Variants in HTR3D observed in about 807,000 individuals in gnomAD.
The protein encoded by HTR3D is 5-hydroxytryptamine (serotonin) receptor 3 family member D.
In HTR3D, 47 loss-of-function variants were observed where a neutral mutation model predicts 45.8. The observed-to-expected ratio is 1.03, with a 90% CI of 0.81 to 1.31. The LOEUF (loss-of-function observed/expected upper bound fraction) is 1.31, where lower values mean the gene tolerates loss of function less well. Ranked by LOEUF, HTR3D falls within the 50% of genes most tolerant of loss-of-function variation. The pLI is 0.00. For synonymous variants in HTR3D, 203 were observed against 199.8 expected (o/e 1.02, Z -0.13); for missense variants, 448 against 506.9 (o/e 0.88, Z 1.12).
chr3:184,039,066 G>A lies in HTR3D; in HGVS notation c.*91G>A, dbSNP rs879538875. On this transcript the variant is annotated 3_prime_UTR_variant, in exon 8 of 8. Transcript: ENST00000428798. ...GGCTCTCAGTCAGCCTTGTGGCCCT[G>A]TCAACCGCCTCATTTTTAACCCAGT... 4.3e-5 allele frequency: 57 copies of A among 1,327,330 alleles called. No individual in the cohort carries two copies. Among genetic ancestry groups the A allele is most frequent in the Non-Finnish European group, 6.1e-5 (57 of 936,188 alleles). The allele number at this position is 1,327,330 out of a possible 1,614,324, so 82.2% of individuals were successfully genotyped here.
chr3:184,038,525 C>T lies in HTR3D; in HGVS notation c.886C>T (p.His296Tyr), dbSNP rs757822014. Residue 296 changes from histidine (H) to tyrosine (Y), a missense_variant, in exon 7 of 8, where the codon CAC becomes TAC. His to Tyr is a moderately conservative substitution (Grantham distance 83). Coordinates refer to ENST00000428798, the MANE Select transcript of HTR3D (RefSeq NM_001145143.1). This position sits in a 1 kb window ranked among gnomAD's most constrained non-coding sequence, Gnocchi z 4.5. The part of the protein sequence containing the change: ...TQPLPLPRWL[H>Y]SLLLHCTGQG... ...GCCCCTACCTCTGCCTCGGTGGCTC[C>T]ACTCCCTGCTGCTGCACTGCACCGG... The T allele has an allele frequency of 4.3e-6, 7 of 1,613,856 alleles. No individual in the cohort carries two copies. The highest frequency in any genetic ancestry group is 4.0e-5 in the African/African-American group (3 of 74,916).
At position 184,036,544 on chromosome 3, in the gene HTR3D, A is replaced by T; in HGVS notation, c.367A>T (p.Thr123Ser). 1 of 1,614,186 alleles carries T rather than the reference A, an allele frequency of 6.2e-7. No homozygotes were observed. Among genetic ancestry groups the T allele is most frequent in the Non-Finnish European group, 8.5e-7 (1 of 1,180,022 alleles). The change falls in exon 4 of 8, where the codon ACC (threonine) becomes TCC (serine). Residue 123 changes from threonine (T) to serine (S), a missense_variant and splice_region_variant. By Grantham distance (58) the Thr-to-Ser change is moderately conservative (BLOSUM62 1). Transcript: ENST00000428798. ...SPSALSPTQV[T>S]RAWRRMSRSF... ...TTCAGCCCTTTCACCTACACAGGTA[A>T]GTGGGGCTCACTAAAGTAGACTGTT... is the stretch of plus-strand genomic sequence containing the variant.
At chr3:184,033,461 C>G (rs1413419286) in intron 1 of HTR3D, among the ~76,000 whole-genome samples, 1 of 151,860 alleles carries the variant, frequency 6.6e-6, no homozygotes, top group East Asian at 1.9e-4. Context: ...CAACCCAATT[C>G]AAAAATGGGC....
intron 1 of HTR3D, chr3:184,033,118 GA>G (rs1722795467): frequency 1.4e-5 from 16 of 1,150,058 alleles, no homozygotes; most frequent in Non-Finnish European, 1.9e-5. Context: ...CCTCTGACTG[GA>G]TTTTTTTTTT....
chr3:184,032,037 C>G (rs533683834), intron 1 of HTR3D, among the ~76,000 whole-genome samples: 86 of 146,786 alleles, frequency 5.9e-4, no homozygotes, highest in African/African-American at 2.1e-3. Flanking sequence ...CTCTGTTACC[C>G]AGGCTAGAGT....
intron 1 of HTR3D, among the ~76,000 whole-genome samples, chr3:184,034,540 G>A (rs890740643): frequency 2.0e-5 from 3 of 151,308 alleles, no homozygotes; most frequent in Non-Finnish European, 4.4e-5. Flanking sequence ...TTAACGCCAC[G>A]GAACTGTACA....
intron 1 of HTR3D, among the ~76,000 whole-genome samples, chr3:184,033,398 T>TG (rs772858755): frequency 3.7e-4 from 56 of 152,174 alleles, no homozygotes; most frequent in Non-Finnish European, 6.6e-4. Context: ...CCACCGTGCC[T>TG]GGCCCTTTGA....
intron 1 of HTR3D, among the ~76,000 whole-genome samples, chr3:184,033,699 G>T (rs751680847): frequency 3.3e-5 from 5 of 151,838 alleles, no homozygotes; most frequent in Non-Finnish European, 5.9e-5. Context: ...GGTAGATCAC[G>T]TGAGGTCAGG....
chr3:184,034,439 T>G (rs1200363825), intron 1 of HTR3D, among the ~76,000 whole-genome samples: 3 of 152,106 alleles, frequency 2.0e-5, no homozygotes, highest in Non-Finnish European at 4.4e-5. Flanking sequence ...AAATAGGGAA[T>G]TACTGTTTAA....
At chr3:184,032,866 C>T (rs1722787605) in intron 1 of HTR3D, 2 of 1,551,960 alleles carry the variant, frequency 1.3e-6, no homozygotes, top group East Asian at 4.9e-5. Flanking sequence ...CAGCCCTGGC[C>T]CTCCTCTCTC....
chr3:184,031,828 G>A (rs1304489431), intron 1 of HTR3D, 21 bp downstream of exon 1: 1 of 1,528,002 alleles, frequency 6.5e-7, no homozygotes, highest in Admixed American at 2.0e-5. Flanking sequence ...ATAAGAGCAA[G>A]AGCTGAGCAG....
In HTR3D at chr3:184,032,851, C is replaced by A. The variant is rs891646169; in HGVS notation, c.66+1044C>A. On this transcript the variant is annotated intron_variant, in intron 1 of 7. Coordinates refer to ENST00000428798, the MANE Select transcript of HTR3D (RefSeq NM_001145143.1). ...TCTCCATGCAGAAACACTCTCCAGGCCCCCCAGCCCTGGCCCTCCTCTCTC... is the reference window on the plus strand; with the variant it reads ...TCTCCATGCAGAAACACTCTCCAGGACCCCCAGCCCTGGCCCTCCTCTCTC... 14 of 1,551,052 alleles carry A rather than the reference C, an allele frequency of 9.0e-6. No homozygotes were observed. The Admixed American group carries it at 1.2e-4, about 13-fold the overall frequency.
Position 184,038,624 on chromosome 3 carries a change from G to C in HTR3D, c.985G>C (p.Gly329Arg). The C allele has an allele frequency of 1.2e-6, 2 of 1,611,500 alleles. No homozygotes were observed. Among genetic ancestry groups the C allele is most frequent in the Non-Finnish European group, 8.5e-7 (1 of 1,178,650 alleles). Reference protein sequence around the residue: ...GPGLTPTHLPGVKEPEVSAGQ... With the variant: ...GPGLTPTHLPRVKEPEVSAGQ... ...GGGTCTCACCCCCACCCACCTGCCC[G>C]GTGAGGGAAGTCATACTTCCTCTTC... Residue 329 changes from glycine (G) to arginine (R), a missense_variant and splice_region_variant, in exon 7 of 8, where the codon GGT (glycine) becomes CGT (arginine). Physicochemically the swap from Gly to Arg is moderately radical, Grantham distance 125 (BLOSUM62 -2). Coordinates refer to ENST00000428798, the MANE Select transcript of HTR3D (RefSeq NM_001145143.1). The surrounding 1 kb of genome is among the most constrained non-coding windows in gnomAD (Gnocchi z 4.5).
chr3:184,036,169 G>C, intron 3 of HTR3D, 69 bp downstream of exon 3: 1 of 1,505,834 alleles, frequency 6.6e-7, no homozygotes, highest in Non-Finnish European at 8.9e-7. Context: ...TTACCGATAA[G>C]GCCACACAAA....
At chr3:184,031,626 C>T (rs1326310829), upstream of HTR3D, 17 of 669,634 alleles carry the variant, frequency 2.5e-5, no homozygotes, top group Non-Finnish European at 3.8e-5. Flanking sequence ...GTTAGAGAGG[C>T]GGTTAATGCC....
chr3:184,038,160 T>C lies in HTR3D; in HGVS notation c.656T>C (p.Val219Ala), dbSNP rs140918539. The C allele has an allele frequency of 1.3e-3, 2,122 of 1,614,150 alleles. 5 individuals carry two copies. The Middle Eastern group carries it at 0.016, about 12-fold the overall frequency. Reference protein sequence around the residue: ...SGNCAPFKMTVLLGYSVFLLM... With the variant: ...SGNCAPFKMTALLGYSVFLLM... ...AATTGTGCCCCATTCAAGATGACTG[T>C]TCTGCTGGGCTACAGCGTCTTCCTG... The change falls in exon 6 of 8, where the codon GTT becomes GCT. Residue 219 changes from valine to alanine, a missense_variant. Val to Ala is a moderately conservative substitution (Grantham distance 64). Transcript: ENST00000428798. The surrounding 1 kb of genome is among the most constrained non-coding windows in gnomAD (Gnocchi z 4.5).
Position 184,038,340 on chromosome 3 carries a change from T to C in HTR3D, c.769+67T>C. 1.2e-6 allele frequency: 2 copies of C among 1,612,234 alleles called. No individual in the cohort carries two copies. Among genetic ancestry groups the C allele is most frequent in the Non-Finnish European group, 1.7e-6 (2 of 1,178,590 alleles). On this transcript the variant is annotated intron_variant, in intron 6 of 7. Coordinates refer to ENST00000428798, the MANE Select transcript of HTR3D (RefSeq NM_001145143.1). This position sits in a 1 kb window ranked among gnomAD's most constrained non-coding sequence, Gnocchi z 4.5. ...AGTGAAAAGGGATCCTGGAAAAAGA[T>C]CCTCTGGGAAAGAAACAAGAAATTC...
At chr3:184,037,003 C>G in intron 5 of HTR3D, 107 bp downstream of exon 5, 1 of 1,040,758 alleles carries the variant, frequency 9.6e-7, no homozygotes, top group Non-Finnish European at 1.4e-6. Flanking sequence ...GCTGGGATTA[C>G]GGGCGTGAAC....
intron 1 of HTR3D, among the ~76,000 whole-genome samples, chr3:184,033,814 G>A (rs1722813071): frequency 6.6e-6 from 1 of 152,188 alleles, no homozygotes; most frequent in Non-Finnish European, 1.5e-5. Flanking sequence ...CTAGTCGGGA[G>A]GAGGAGACAG....
Sources: gnomAD v4.1 joint callset for allele counts (sites outside exome capture counted in the v4.1 genomes callset) on GRCh38, gnomAD v4.1.1 for gene constraint, Gnocchi (gnomAD v3.1) non-coding constraint, MANE v1.5 for transcripts, NCBI Gene and HGNC (gene_info 2026-07-23, HGNC 2026-07-21) for gene names.